The following FBXL17 variants were observed in gnomAD, a reference collection of about 807,000 sequenced individuals.
FBXL17 encodes the protein F-box and leucine rich repeat protein 17.
A neutral mutation model predicts 66.2 loss-of-function variants in FBXL17; 22 were observed. That is an observed-to-expected ratio of 0.33 (90% CI 0.24 to 0.47). FBXL17 has a LOEUF of 0.47. Ranked by LOEUF, FBXL17 falls within the 20% of genes least tolerant of loss-of-function variation. The probability of loss-of-function intolerance (pLI) is 1.00; values close to 1 mark genes in which losing one functional copy is unlikely to be tolerated. For synonymous variants in FBXL17, 474 were observed against 400.5 expected, an observed-to-expected ratio of 1.18 and a Z score of -2.19; for missense variants, 878 against 948.2, an observed-to-expected ratio of 0.93 and a Z score of 0.97.
At position 108,178,192 on chromosome 5, in the gene FBXL17, G is replaced by A. The variant is rs1394922939; in HGVS notation, c.1745+7925C>T. 3.3e-5 allele frequency among the ~76,000 whole-genome samples: 5 copies of A among 151,708 alleles called. No individual in the cohort carries two copies. In the South Asian group the frequency reaches 6.3e-4, roughly 19 times the overall value. Reference sequence around the variant, plus strand: ...CCTCAGTAGCTGGGTCAACAGGCACGTGCCATCATGCCCGGCTATTTTTTA... The same window carrying A: ...CCTCAGTAGCTGGGTCAACAGGCACATGCCATCATGCCCGGCTATTTTTTA... On this transcript the variant is annotated intron_variant, in intron 6 of 8. Coordinates refer to ENST00000542267, the MANE Select transcript of FBXL17 (RefSeq NM_001163315.3).
intron 4 of FBXL17, among the ~76,000 whole-genome samples, chr5:108,258,364 T>C (rs1756666275): frequency 1.3e-5 from 2 of 152,160 alleles, no homozygotes; most frequent in South Asian, 2.1e-4. Context: ...ACCCAGTCTA[T>C]GGTATTTCAT....
intron 6 of FBXL17, among the ~76,000 whole-genome samples, chr5:108,088,214 G>T (rs1167232820): frequency 1.3e-5 from 2 of 152,100 alleles, no homozygotes; most frequent in South Asian, 2.1e-4. Flanking sequence ...ATATTTAAAG[G>T]TATAAAGAAC....
chr5:108,139,921 C>T (rs1443567772), intron 6 of FBXL17, among the ~76,000 whole-genome samples: 4 of 152,174 alleles, frequency 2.6e-5, no homozygotes, highest in African/African-American at 9.6e-5. Flanking sequence ...CTTCCTCTCA[C>T]TTACATCTCT....
intron 8 of FBXL17, among the ~76,000 whole-genome samples, chr5:107,868,781 A>T (rs898479918): frequency 6.6e-6 from 1 of 152,212 alleles, no homozygotes; most frequent in Non-Finnish European, 1.5e-5. Flanking sequence ...TTTCCAAATG[A>T]AGTGATATTT....
At chr5:107,987,078 A>T (rs1753039631) in intron 7 of FBXL17, among the ~76,000 whole-genome samples, 2 of 152,074 alleles carry the variant, frequency 1.3e-5, no homozygotes, top group African/African-American at 4.8e-5. Context: ...TTTATGAAAG[A>T]ATGGCTGAAA....
Position 108,148,624 on chromosome 5 carries a change from G to A in FBXL17, c.1745+37493C>T, listed in dbSNP as rs192618597. Among the ~76,000 whole-genome samples, 101 of 152,270 alleles carry A rather than the reference G, an allele frequency of 6.6e-4. 1 individual carries two copies. The Middle Eastern group carries it at 0.01, about 15-fold the overall frequency. On this transcript the variant is annotated intron_variant, in intron 6 of 8. Coordinates refer to ENST00000542267, the MANE Select transcript of FBXL17 (RefSeq NM_001163315.3). ...ATAAAGAAACAAAAATAGGCAAAAC[G>A]TAATTATATAGAATTACACAGGTGA...
intron 6 of FBXL17, among the ~76,000 whole-genome samples, chr5:108,177,842 G>A (rs188884812): frequency 3.3e-5 from 5 of 149,572 alleles, no homozygotes; most frequent in Admixed American, 2.0e-4. Flanking sequence ...AACAGTGTCT[G>A]GAACACAGTA....
At chr5:108,237,518 G>A (rs1222363475) in intron 4 of FBXL17, among the ~76,000 whole-genome samples, 1 of 152,168 alleles carries the variant, frequency 6.6e-6, no homozygotes, top group Non-Finnish European at 1.5e-5. Flanking sequence ...TTATACTGAA[G>A]GAGTCTATTT....
At chr5:107,946,950 T>C (rs1290955746) in intron 7 of FBXL17, among the ~76,000 whole-genome samples, 1 of 152,138 alleles carries the variant, frequency 6.6e-6, no homozygotes, top group East Asian at 1.9e-4. Flanking sequence ...TTTGTTTTTT[T>C]GCAATTCAAA....
chr5:108,037,135 G>A (rs1746874494), intron 6 of FBXL17, among the ~76,000 whole-genome samples: 1 of 152,028 alleles, frequency 6.6e-6, no homozygotes, highest in Non-Finnish European at 1.5e-5. Context: ...TCCTATGCTA[G>A]GTAAGACAAA....
chr5:108,031,119 G>C (rs904309637), intron 6 of FBXL17, among the ~76,000 whole-genome samples: 1 of 152,022 alleles, frequency 6.6e-6, no homozygotes, highest in South Asian at 2.1e-4. Flanking sequence ...GCAAGTTAGC[G>C]AATGTGGATA....
At chr5:107,911,526 C>G (rs1749947681) in intron 7 of FBXL17, among the ~76,000 whole-genome samples, 1 of 152,018 alleles carries the variant, frequency 6.6e-6, no homozygotes, top group South Asian at 2.1e-4. Context: ...AACTCACACA[C>G]CTTGCAGCAA....
At chr5:107,995,389 A>T (rs577910862) in intron 7 of FBXL17, among the ~76,000 whole-genome samples, 2 of 152,214 alleles carry the variant, frequency 1.3e-5, no homozygotes, top group Non-Finnish European at 2.9e-5. Context: ...CCATTAAGAG[A>T]GGCAAGCATG....
At chr5:108,147,308 C>CT (rs1751599248) in intron 6 of FBXL17, among the ~76,000 whole-genome samples, 1 of 152,206 alleles carries the variant, frequency 6.6e-6, no homozygotes, top group South Asian at 2.1e-4. Flanking sequence ...TATCTCCTCT[C>CT]TCCCCACTCT....
At chr5:107,934,315 G>A (rs1245428082) in intron 7 of FBXL17, among the ~76,000 whole-genome samples, 2 of 152,026 alleles carry the variant, frequency 1.3e-5, no homozygotes, top group South Asian at 4.1e-4. Flanking sequence ...ATTTTTGATT[G>A]TCATCCAATA....
intron 4 of FBXL17, among the ~76,000 whole-genome samples, chr5:108,234,180 T>C (rs1755492999): frequency 6.6e-6 from 1 of 152,138 alleles, no homozygotes; most frequent in Non-Finnish European, 1.5e-5. Context: ...TTTGGGACTG[T>C]GGATTACTCT....
chr5:108,348,663 GA>G, intron 3 of FBXL17, 133 bp from the exon 4 acceptor site: 1 of 913,846 alleles, frequency 1.1e-6, no homozygotes, highest in East Asian at 2.7e-5. Context: ...AAATAAGATA[GA>G]ATGTAAGCAA....
At chr5:108,367,354 C>T (rs1292963009) in intron 2 of FBXL17, among the ~76,000 whole-genome samples, 1 of 151,836 alleles carries the variant, frequency 6.6e-6, no homozygotes, top group African/African-American at 2.4e-5. Flanking sequence ...AAAAGGTTAT[C>T]TTAGCCTATT....
intron 4 of FBXL17, among the ~76,000 whole-genome samples, chr5:108,264,329 T>C (rs1178860564): frequency 6.6e-6 from 1 of 150,956 alleles, no homozygotes; most frequent in Non-Finnish European, 1.5e-5. Context: ...CAGTGTAGCA[T>C]CTATAAGTTA....
Sources: gnomAD v4.1 joint callset for allele counts (sites outside exome capture counted in the v4.1 genomes callset) on GRCh38, gnomAD v4.1.1 for gene constraint, MANE v1.5 for transcripts, NCBI Gene and HGNC (gene_info 2026-07-23, HGNC 2026-07-21) for gene names.